ART3: variants seen among roughly 807,000 people sequenced by gnomAD.
ART3 encodes the protein ADP-ribosyltransferase 3 (inactive).
A neutral mutation model predicts 48.5 loss-of-function variants in ART3; 49 were observed. The ratio of observed to expected loss-of-function variants is 1.01; its 90% CI spans 0.80 to 1.28. ART3 has a LOEUF of 1.28. Among genes scored for constraint, ART3 ranks in the 50% most tolerant of loss-of-function variants. The pLI is 0.00. For missense variants in ART3, 438 were observed against 454.3 expected (o/e 0.96, Z 0.33); for synonymous variants, 145 against 157.2 (o/e 0.92, Z 0.58).
At chr4:76,038,729 T>G (rs1383985058) in intron 1 of ART3, among the ~76,000 whole-genome samples, 1 of 81,022 alleles carries the variant, frequency 1.2e-5, no homozygotes, top group Non-Finnish European at 2.4e-5. Flanking sequence ...ATTTATTTAT[T>G]TATTTATCTT....
chr4:76,077,074 C>G (rs1186541455), intron 2 of ART3, among the ~76,000 whole-genome samples: 1 of 152,014 alleles, frequency 6.6e-6, no homozygotes, highest in Non-Finnish European at 1.5e-5. Flanking sequence ...CTGTATACTT[C>G]AGTGGTTTCA....
intron 3 of ART3, among the ~76,000 whole-genome samples, chr4:76,092,441 C>G (rs909298087): frequency 6.6e-6 from 1 of 152,102 alleles, no homozygotes; most frequent in Non-Finnish European, 1.5e-5. Context: ...TAGTAGTTTA[C>G]AAATTTACTG....
chr4:76,021,691 G>A (rs1312504378), intron 1 of ART3: 25 of 538,450 alleles, frequency 4.6e-5, no homozygotes, highest in Non-Finnish European at 7.3e-5. Flanking sequence ...CCTCAGTAGA[G>A]CTTACATTAT....
chr4:76,100,457 C>T (rs752713776), intron 6 of ART3, 137 bp downstream of exon 6: 122 of 879,242 alleles, frequency 1.4e-4, no homozygotes, highest in Non-Finnish European at 2.0e-4. Flanking sequence ...ATAGTAAAAC[C>T]CCATCTTTAC....
At chr4:76,013,196 G>T (rs1731957921) in intron 1 of ART3, among the ~76,000 whole-genome samples, 1 of 152,178 alleles carries the variant, frequency 6.6e-6, no homozygotes, top group African/African-American at 2.4e-5. Flanking sequence ...AGAATTGGCT[G>T]GAATTTGTTA....
chr4:76,099,828 G>A (rs537396624), intron 5 of ART3, among the ~76,000 whole-genome samples: 1 of 152,266 alleles, frequency 6.6e-6, no homozygotes, highest in East Asian at 1.9e-4. Context: ...ATTTTTCTTT[G>A]TTGAAAAGAG....
intron 2 of ART3, among the ~76,000 whole-genome samples, chr4:76,079,837 G>A (rs1722028627): frequency 6.6e-6 from 1 of 151,960 alleles, no homozygotes; most frequent in Admixed American, 6.6e-5. Flanking sequence ...GGATATGGAA[G>A]CAAGTTTTGT....
At chr4:76,111,122 A>G (rs561984575) in intron 11 of ART3, among the ~76,000 whole-genome samples, 16 of 152,314 alleles carry the variant, frequency 1.1e-4, no homozygotes, top group Non-Finnish European at 1.6e-4. Flanking sequence ...AGTGAGTTCA[A>G]ATGTTTCGAG....
At chr4:76,043,583 C>T (rs1006614286) in intron 1 of ART3, among the ~76,000 whole-genome samples, 2 of 152,100 alleles carry the variant, frequency 1.3e-5, no homozygotes, top group African/African-American at 2.4e-5. Flanking sequence ...GTTCCGAGTG[C>T]GGGGCCCACC....
chr4:76,080,509 T>A (rs543385696), intron 2 of ART3, among the ~76,000 whole-genome samples: 3 of 152,244 alleles, frequency 2.0e-5, no homozygotes, highest in South Asian at 2.1e-4. Context: ...CTTCCTTTTT[T>A]AATTTATTTT....
At chr4:76,096,280 G>T (rs1364952422) in intron 3 of ART3, among the ~76,000 whole-genome samples, 1 of 152,192 alleles carries the variant, frequency 6.6e-6, no homozygotes, top group Non-Finnish European at 1.5e-5. Context: ...CTAGTCAAAT[G>T]CCTGAGTTTA....
At chr4:76,097,386 T>A (rs145129623) in intron 3 of ART3, among the ~76,000 whole-genome samples, 5 of 151,404 alleles carry the variant, frequency 3.3e-5, no homozygotes, top group Admixed American at 6.6e-5. Context: ...AAAAAAAAAA[T>A]TGTAGAAATG....
At chr4:76,112,325 T>C (rs1241008604) in intron 11 of ART3, 61 bp from the exon 12 acceptor site, 21 of 1,542,364 alleles carry the variant, frequency 1.4e-5, no homozygotes, top group Non-Finnish European at 1.8e-5. Flanking sequence ...ATATATTTTA[T>C]AGGTGGATGA....
intron 1 of ART3, among the ~76,000 whole-genome samples, chr4:76,020,824 G>A (rs767780086): frequency 9.9e-5 from 15 of 151,964 alleles, no homozygotes; most frequent in Non-Finnish European, 2.1e-4. Context: ...ACTGCACTCC[G>A]GCTTGGGTGA....
chr4:76,045,583 C>A (rs1297091769), intron 1 of ART3, among the ~76,000 whole-genome samples: 1 of 151,986 alleles, frequency 6.6e-6, no homozygotes, highest in Non-Finnish European at 1.5e-5. Context: ...GGGGTTGTCC[C>A]ACGAGTCTAA....
intron 1 of ART3, chr4:76,036,832 G>T: frequency 8.3e-6 from 2 of 241,210 alleles, no homozygotes; most frequent in Non-Finnish European, 8.8e-6. Context: ...GCAGATGTTT[G>T]TCCCTACCCT....
rs191108657 is a variant in ART3, at chr4:76,077,034, T to G, written c.69+1076T>G. Among the ~76,000 whole-genome samples the G allele has an allele frequency of 4.4e-3, 665 of 152,304 alleles. 5 individuals carry two copies. The highest frequency in any genetic ancestry group is 0.014 in the African/African-American group (601 of 41,566). ...AGTATGTTTTTTATTGAAATATAATTTACATACCATAAAAATTCACCATTT... is the reference window on the plus strand; with the variant it reads ...AGTATGTTTTTTATTGAAATATAATGTACATACCATAAAAATTCACCATTT... On this transcript the variant is annotated intron_variant, in intron 2 of 11. Transcript: ENST00000355810.
intron 3 of ART3, among the ~76,000 whole-genome samples, chr4:76,087,745 C>T (rs1381024047): frequency 6.6e-6 from 1 of 152,082 alleles, no homozygotes; most frequent in African/African-American, 2.4e-5. Flanking sequence ...AATATAGTTC[C>T]TGGTGGTCAT....
intron 1 of ART3, among the ~76,000 whole-genome samples, chr4:76,044,883 C>CA (rs1194670119): frequency 6.6e-6 from 1 of 152,108 alleles, no homozygotes; most frequent in Non-Finnish European, 1.5e-5. Context: ...GCACCATGTG[C>CA]AATAACTCCA....
Sources: gnomAD v4.1 joint callset for allele counts (sites outside exome capture counted in the v4.1 genomes callset) on GRCh38, gnomAD v4.1.1 for gene constraint, MANE v1.5 for transcripts, NCBI Gene and HGNC (gene_info 2026-07-23, HGNC 2026-07-21) for gene names.